The following FAT3 variants were observed in gnomAD, a reference collection of about 807,000 sequenced individuals.
FAT3 encodes the protein FAT atypical cadherin 3, also known as protocadherin Fat 3.
Under a neutral mutation model 310.2 loss-of-function variants are expected in FAT3, and 95 were observed. The ratio of observed to expected loss-of-function variants is 0.31; its 90% CI spans 0.26 to 0.36. The LOEUF (loss-of-function observed/expected upper bound fraction) is 0.36, where lower values mean the gene tolerates loss of function less well. FAT3 is among the 10% of genes least tolerant of loss of function. The probability of loss-of-function intolerance (pLI) is 1.00; values close to 1 mark genes in which losing one functional copy is unlikely to be tolerated. For missense variants in FAT3, 5,408 were observed against 5,715.6 expected, an observed-to-expected ratio of 0.95 and a Z score of 1.74; for synonymous variants, 2,314 against 2,192.9, an observed-to-expected ratio of 1.06 and a Z score of -1.54.
chr11:92,631,495 C>T (rs1941556948), intron 3 of FAT3, among the ~76,000 whole-genome samples: 1 of 151,976 alleles, frequency 6.6e-6, no homozygotes, highest in Non-Finnish European at 1.5e-5. Context: ...TGAGTGAGTT[C>T]TCATGACATC....
rs762348595 is a variant in FAT3, at chr11:92,393,248, G to GTGTGTGTATGCACACACACTCA, written c.3292+37852_3292+37873dup. Among the ~76,000 whole-genome samples, 541 of 152,080 alleles carry GTGTGTGTATGCACACACACTCA rather than the reference G, an allele frequency of 3.6e-3. 3 individuals are homozygous for GTGTGTGTATGCACACACACTCA. The highest frequency in any genetic ancestry group is 5.9e-3 in the Admixed American group (90 of 15,280). ...TGTGTACCTGTGTGTGTGTGCCTGA[G>GTGTGTGTATGCACACACACTCA]TGTGTGTATGCACACACACTCATGT... On this transcript the variant is annotated intron_variant, in intron 2 of 27. Transcript: ENST00000525166.
rs35737563 is a variant in FAT3 at position 92,267,566 on chromosome 11, G to GA, written c.-18+42396dup. 7.2e-3 allele frequency among the ~76,000 whole-genome samples: 1,049 copies of GA among 145,830 alleles called. 9 individuals are homozygous for GA. The highest frequency in any genetic ancestry group is 0.026 in the African/African-American group (1,005 of 38,684). On this transcript the variant is annotated intron_variant, in intron 1 of 27. Transcript: ENST00000525166. ...GAGCAGCTCCAGGGTTTGGAAGTAT[G>GA]AAAAGAAAAAAAAAAAAGTGGTGGT...
chr11:92,313,600 C>T (rs568084426), intron 1 of FAT3, among the ~76,000 whole-genome samples: 1 of 152,318 alleles, frequency 6.6e-6, no homozygotes, highest in East Asian at 1.9e-4. Context: ...CACCCTGTCG[C>T]CCAGGCTAGA....
intron 2 of FAT3, among the ~76,000 whole-genome samples, chr11:92,359,628 G>C (rs11019922): frequency 1.4e-5 from 2 of 138,114 alleles, no homozygotes; most frequent in East Asian, 4.3e-4. Context: ...ATCCCTCCCC[G>C]CTCCCCCCAC....
At chr11:92,518,227 C>G (rs1953553693) in intron 2 of FAT3, among the ~76,000 whole-genome samples, 1 of 152,134 alleles carries the variant, frequency 6.6e-6, no homozygotes, top group Non-Finnish European at 1.5e-5. Flanking sequence ...ATGTTTACTG[C>G]AGCACTATTC....
At chr11:92,459,484 A>T (rs1951582151) in intron 2 of FAT3, among the ~76,000 whole-genome samples, 2 of 152,000 alleles carry the variant, frequency 1.3e-5, no homozygotes, top group African/African-American at 4.8e-5. Flanking sequence ...TATTATTTTA[A>T]CGGGCCTACT....
At chr11:92,714,912 G>A (rs1013724552) in intron 4 of FAT3, among the ~76,000 whole-genome samples, 2 of 152,014 alleles carry the variant, frequency 1.3e-5, no homozygotes, top group South Asian at 2.1e-4. Flanking sequence ...CCTGGTCTCG[G>A]TTATTTTATT....
chr11:92,245,257 C>T (rs1166745629), intron 1 of FAT3, among the ~76,000 whole-genome samples: 1 of 151,828 alleles, frequency 6.6e-6, no homozygotes, highest in Non-Finnish European at 1.5e-5. Flanking sequence ...AACCAAACAT[C>T]GCATGTTCTC....
chr11:92,810,194 A>G, intron 13 of FAT3, 118 bp downstream of exon 13: 1 of 862,912 alleles, frequency 1.2e-6, no homozygotes, highest in Non-Finnish European at 1.8e-6. Flanking sequence ...CCACGAGAAC[A>G]TGTACATTAA....
At chr11:92,264,318 T>C (rs1018870487) in intron 1 of FAT3, among the ~76,000 whole-genome samples, 4 of 152,148 alleles carry the variant, frequency 2.6e-5, no homozygotes, top group Admixed American at 1.3e-4. Context: ...TCTTGTTGTA[T>C]ATGTTTCAGG....
chr11:92,878,164 T>C (rs1220326438), intron 22 of FAT3, among the ~76,000 whole-genome samples: 1 of 152,148 alleles, frequency 6.6e-6, no homozygotes, highest in Admixed American at 6.6e-5. Flanking sequence ...AGTCTTGAAT[T>C]CAAAATCTGC....
chr11:92,755,884 TTTGCCTAAAAAAGAGTTTG>T (rs1396614991), intron 4 of FAT3, among the ~76,000 whole-genome samples: 3 of 152,178 alleles, frequency 2.0e-5, no homozygotes, highest in African/African-American at 7.2e-5. Context: ...GATCTCCCAG[TTTGCCTAAAAAAGAGTTTG>T]TTACCTAAAA....
At position 92,805,198 on chromosome 11, in the gene FAT3, A is replaced by C. The variant is rs1418110720; in HGVS notation, c.8942A>C (p.Glu2981Ala). Residue 2981 changes from glutamate (E) to alanine (A), a missense_variant, in exon 11 of 28, where the codon GAG (glutamate) becomes GCG (alanine). Coordinates refer to ENST00000525166, the MANE Select transcript of FAT3 (RefSeq NM_001367949.2). ...TTTGCTCTGGGCCTGGTGCAAAGTG[A>C]GTGGAAGGTCTATGTGAAGAGGCCT... is the stretch of plus-strand genomic sequence containing the variant. ...GRFALGLVQS[E>A]WKVYVKRPLD... 1.2e-6 allele frequency: 2 copies of C among 1,613,712 alleles called. No homozygotes were observed. The highest frequency in any genetic ancestry group is 4.5e-5 in the East Asian group (2 of 44,860).
Position 92,638,254 on chromosome 11 carries a change from C to G in FAT3, c.3608-59130C>G, listed in dbSNP as rs113720540. Reference sequence around the variant, plus strand: ...CAGGCATGTATATGCAAGTATGTATCTAACCCTGAACTCATACGTCTTTTC... The same window carrying G: ...CAGGCATGTATATGCAAGTATGTATGTAACCCTGAACTCATACGTCTTTTC... On this transcript the variant is annotated intron_variant, in intron 3 of 27. Coordinates refer to ENST00000525166, the MANE Select transcript of FAT3 (RefSeq NM_001367949.2). Among the ~76,000 whole-genome samples, 1,437 of 152,276 alleles carry G rather than the reference C, an allele frequency of 9.4e-3. 19 individuals carry two copies. Among genetic ancestry groups the G allele is most frequent in the African/African-American group, 0.032 (1,317 of 41,554 alleles).
intron 9 of FAT3, among the ~76,000 whole-genome samples, chr11:92,796,731 A>G (rs1947184201): frequency 6.6e-6 from 1 of 152,210 alleles, no homozygotes; most frequent in East Asian, 1.9e-4. Flanking sequence ...GAGGGATGCA[A>G]CTTCACACTA....
At chr11:92,701,651 T>C (rs1944100240) in intron 4 of FAT3, among the ~76,000 whole-genome samples, 1 of 152,246 alleles carries the variant, frequency 6.6e-6, no homozygotes, top group Admixed American at 6.5e-5. Flanking sequence ...CCTTCCTTGA[T>C]ACCCAGTTAT....
intron 3 of FAT3, among the ~76,000 whole-genome samples, chr11:92,661,523 G>T (rs576657306): frequency 3.3e-5 from 5 of 151,780 alleles, no homozygotes; most frequent in Non-Finnish European, 5.9e-5. Context: ...GGAATCTGAG[G>T]TGTAACGGAT....
At chr11:92,834,341 G>C (rs528375300) in intron 14 of FAT3, among the ~76,000 whole-genome samples, 10 of 152,322 alleles carry the variant, frequency 6.6e-5, no homozygotes, top group African/African-American at 2.4e-4. Flanking sequence ...TGAGATTTCT[G>C]AGATCTTTGC....
intron 6 of FAT3, among the ~76,000 whole-genome samples, chr11:92,767,992 T>C (rs1946361435): frequency 2.6e-5 from 4 of 152,048 alleles, no homozygotes; most frequent in Admixed American, 6.5e-5. Context: ...AGAAACATCA[T>C]TGGTCCAAGA....
Sources: allele counts gnomAD v4.1 joint callset (sites outside exome capture counted in the v4.1 genomes callset), GRCh38; gene constraint gnomAD v4.1.1; transcripts MANE v1.5; gene names NCBI Gene and HGNC (gene_info 2026-07-23, HGNC 2026-07-21).